The following TRIM24 variants were observed in gnomAD, a reference collection of about 807,000 sequenced individuals.
TRIM24 encodes tripartite motif containing 24, also known as transcription intermediary factor 1-alpha.
Under a neutral mutation model 123.9 loss-of-function variants are expected in TRIM24, and 29 were observed. The observed-to-expected ratio is 0.23, with a 90% CI of 0.17 to 0.32. The LOEUF (loss-of-function observed/expected upper bound fraction) is 0.32. Among genes scored for constraint, TRIM24 ranks in the 10% least tolerant of loss-of-function variants. The pLI, the probability that TRIM24 is intolerant of heterozygous loss-of-function variation, is 1.00. For missense variants in TRIM24, 932 were observed against 1,295.3 expected (o/e 0.72, Z 4.31); for synonymous variants, 456 against 461.1 (o/e 0.99, Z 0.14).
At chr7:138,488,862 G>C (rs970304667) in intron 1 of TRIM24, among the ~76,000 whole-genome samples, 1 of 152,124 alleles carries the variant, frequency 6.6e-6, no homozygotes, top group African/African-American at 2.4e-5. Context: ...TGTCTCTTAG[G>C]TCTGCTTGGT....
chr7:138,582,734 T>G (rs1797928916), intron 17 of TRIM24, among the ~76,000 whole-genome samples: 1 of 152,098 alleles, frequency 6.6e-6, no homozygotes, highest in African/African-American at 2.4e-5. Flanking sequence ...AAAAAATTTT[T>G]TTTCATTTGT....
rs1466362878 is a variant in TRIM24 at position 138,587,822 on chromosome 7, C to T, written c.*2871C>T. On this transcript the variant is annotated 3_prime_UTR_variant, in exon 19 of 19. Coordinates refer to ENST00000343526, the MANE Select transcript of TRIM24 (RefSeq NM_015905.3). ...TGTGTAAGGAAGCCCAAGTACTTGA[C>T]CAGTGATATATATGGCCATGGCAAA... 6.6e-6 allele frequency: 1 copy of T among 152,170 alleles called. No homozygotes were observed. The highest frequency in any genetic ancestry group is 1.5e-5 in the Non-Finnish European group (1 of 68,054). 9.4% of individuals were successfully genotyped at this position (152,170 alleles called of 1,614,324 possible).
intron 2 of TRIM24, among the ~76,000 whole-genome samples, chr7:138,508,865 G>C (rs968736878): frequency 6.6e-6 from 1 of 151,928 alleles, no homozygotes; most frequent in Non-Finnish European, 1.5e-5. Flanking sequence ...AATAATATTT[G>C]GAGACCACAG....
At chr7:138,573,026 C>G (rs117567967) in intron 11 of TRIM24, among the ~76,000 whole-genome samples, 2,658 of 152,286 alleles carry the variant, frequency 0.017, 36 homozygotes, top group Non-Finnish European at 0.025. Context: ...GTTAAAGTAT[C>G]CCTTTCAGAG....
chr7:138,468,752 C>T (rs901285324), intron 1 of TRIM24, among the ~76,000 whole-genome samples: 1 of 152,200 alleles, frequency 6.6e-6, no homozygotes, highest in Non-Finnish European at 1.5e-5. Flanking sequence ...TGGACTTGCT[C>T]TGCACATGCG....
At chr7:138,582,369 C>T (rs1417630703) in intron 17 of TRIM24, among the ~76,000 whole-genome samples, 1 of 151,944 alleles carries the variant, frequency 6.6e-6, no homozygotes, top group African/African-American at 2.4e-5. Flanking sequence ...GGTGAAACCC[C>T]GTCTCTACTA....
intron 6 of TRIM24, among the ~76,000 whole-genome samples, chr7:138,531,018 G>A (rs1004155832): frequency 2.6e-5 from 4 of 152,022 alleles, no homozygotes; most frequent in Non-Finnish European, 5.9e-5. Flanking sequence ...TAGTGGTATA[G>A]CCTTGGCTCA....
At chr7:138,571,261 T>C (rs1797649935) in intron 11 of TRIM24, among the ~76,000 whole-genome samples, 1 of 152,204 alleles carries the variant, frequency 6.6e-6, no homozygotes, top group Non-Finnish European at 1.5e-5. Flanking sequence ...ATCATGCCAC[T>C]GCACTCTAGC....
chr7:138,523,750 C>CAAAAA (rs756103684), intron 4 of TRIM24, among the ~76,000 whole-genome samples: 14 of 57,152 alleles, frequency 2.4e-4, no homozygotes, highest in East Asian at 4.6e-4. Context: ...GACTCCGTCT[C>CAAAAA]AAAAAAAAAA....
At position 138,567,608 on chromosome 7, in the gene TRIM24, C is replaced by G; in HGVS notation, c.1658C>G (p.Pro553Arg). ...AACATACCACGACAAGCAATAAAGC[C>G]AAACCCCCTACAGATGGCTTTCTTG... The part of the protein sequence containing the change: ...NQNIPRQAIK[P>R]NPLQMAFLAQ... The change falls in exon 10 of 19, where the codon CCA becomes CGA. Residue 553 changes from proline to arginine, a missense_variant. Transcript: ENST00000343526. 6.2e-7 allele frequency: 1 copy of G among 1,613,614 alleles called. No individual in the cohort carries two copies. The highest frequency in any genetic ancestry group is 8.5e-7 in the Non-Finnish European group (1 of 1,179,818).
At chr7:138,462,849 C>T (rs910381662) in intron 1 of TRIM24, among the ~76,000 whole-genome samples, 5 of 151,762 alleles carry the variant, frequency 3.3e-5, no homozygotes, top group Non-Finnish European at 7.4e-5. Context: ...AAAGCTTAAA[C>T]CTTAGTTCTT....
chr7:138,581,659 A>G lies in TRIM24; in HGVS notation c.2719-38A>G, dbSNP rs755528694. ...AAATAAGCTGTGAATTCATTGTTTTATAATATTTTATCTCAGTTTTTATTT... is the reference window on the plus strand; with the variant it reads ...AAATAAGCTGTGAATTCATTGTTTTGTAATATTTTATCTCAGTTTTTATTT... On this transcript the variant is annotated intron_variant, in intron 16 of 18. Coordinates refer to ENST00000343526, the MANE Select transcript of TRIM24 (RefSeq NM_015905.3). 4.0e-6 allele frequency: 6 copies of G among 1,513,634 alleles called. No homozygotes were observed. In the South Asian group the frequency reaches 5.8e-5, roughly 15 times the overall value. The allele number at this position is 1,513,634 out of a possible 1,614,324, so 93.8% of individuals were successfully genotyped here. A position where few individuals can be genotyped will look rare whatever the true frequency, so the allele number is the denominator to read the frequency against.
At chr7:138,537,237 G>A (rs184916478) in intron 6 of TRIM24, among the ~76,000 whole-genome samples, 532 of 152,108 alleles carry the variant, frequency 3.5e-3, no homozygotes, top group African/African-American at 0.012. Context: ...CCCACTGTCC[G>A]ACAAGCCCCA....
intron 1 of TRIM24, chr7:138,491,149 C>T (rs1356616906): frequency 3.4e-6 from 1 of 297,034 alleles, no homozygotes; most frequent in Non-Finnish European, 6.6e-6. Context: ...CTTCATCATT[C>T]TGCAAGTCAA....
chr7:138,501,616 G>C (rs954113171), intron 1 of TRIM24, among the ~76,000 whole-genome samples: 1 of 152,068 alleles, frequency 6.6e-6, no homozygotes, highest in African/African-American at 2.4e-5. Flanking sequence ...GGCCAGGCGT[G>C]GTGGGTCACG....
At position 138,584,810 on chromosome 7, in the gene TRIM24, C is replaced by G; in HGVS notation, c.3012C>G (p.Leu1004=). ...ATTTTGAAGAACTTCTAAAGAACCT[C>G]TATCCAGAAAAAAGGTTTCCCAAAC... ...ENYFEELLKN[L]YPEKRFPKPE... The change falls in exon 19 of 19, where the codon CTC becomes CTG. Residue 1004 remains leucine (L), a synonymous_variant. Transcript: ENST00000343526. 6.2e-7 allele frequency: 1 copy of G among 1,613,432 alleles called. No individual in the cohort carries two copies. Among genetic ancestry groups the G allele is most frequent in the Non-Finnish European group, 8.5e-7 (1 of 1,179,752 alleles).
chr7:138,572,889 GTTATA>G (rs1361155148), intron 11 of TRIM24, among the ~76,000 whole-genome samples: 2 of 152,182 alleles, frequency 1.3e-5, no homozygotes, highest in Non-Finnish European at 2.9e-5. Flanking sequence ...TTGTATTCCT[GTTATA>G]TTAAAGCAAG....
At chr7:138,470,283 A>C (rs545833648) in intron 1 of TRIM24, among the ~76,000 whole-genome samples, 1 of 152,080 alleles carries the variant, frequency 6.6e-6, no homozygotes, top group East Asian at 1.9e-4. Flanking sequence ...GGCGTGTGCC[A>C]CCACACCCAG....
intron 6 of TRIM24, among the ~76,000 whole-genome samples, chr7:138,537,738 C>T (rs932581594): frequency 2.0e-5 from 3 of 152,180 alleles, no homozygotes; most frequent in Non-Finnish European, 4.4e-5. Context: ...ATCAAACAGA[C>T]AACTACCATT....
Sources: gnomAD v4.1 joint callset for allele counts (sites outside exome capture counted in the v4.1 genomes callset) on GRCh38, gnomAD v4.1.1 for gene constraint, MANE v1.5 for transcripts, NCBI Gene and HGNC (gene_info 2026-07-23, HGNC 2026-07-21) for gene names.